PTPN13: variants seen among roughly 807,000 people sequenced by gnomAD.
PTPN13 encodes the protein protein tyrosine phosphatase non-receptor type 13, also known as tyrosine-protein phosphatase non-receptor type 13.
Under a neutral mutation model 284.0 loss-of-function variants are expected in PTPN13, and 191 were observed. The observed-to-expected ratio is 0.67, with a 90% CI of 0.60 to 0.76. PTPN13 has a LOEUF of 0.76. Among genes scored for constraint, PTPN13 ranks in the 30% least tolerant of loss-of-function variants. PTPN13 has a pLI of 0.00. For synonymous variants in PTPN13, 986 were observed against 1,022.3 expected (o/e 0.96, Z 0.68); for missense variants, 2,797 against 2,939.9 (o/e 0.95, Z 1.12).
intron 2 of PTPN13, among the ~76,000 whole-genome samples, chr4:86,657,524 G>A (rs757410130): frequency 4.6e-5 from 7 of 152,198 alleles, no homozygotes; most frequent in Non-Finnish European, 1.0e-4. Flanking sequence ...GCCTGGAGTT[G>A]AGGGAGAGGT....
In PTPN13 at chr4:86,758,930, C is replaced by CT. The variant is rs762687140; in HGVS notation, c.3422-11dup. ...TTTGTTGTTGAAAATACTGGATTGT[C>CT]TATTTGTACAGGAGACCGTTTGATA... On this transcript the variant is annotated splice_polypyrimidine_tract_variant and intron_variant, in intron 22 of 47. Coordinates refer to ENST00000411767, the MANE Select transcript of PTPN13 (RefSeq NM_080683.3). 1 of 1,609,204 alleles carries CT rather than the reference C, an allele frequency of 6.2e-7. No individual in the cohort carries two copies. The highest frequency in any genetic ancestry group is 1.3e-5 in the African/African-American group (1 of 74,772).
At chr4:86,630,527 C>G (rs1241589798) in intron 1 of PTPN13, among the ~76,000 whole-genome samples, 1 of 152,158 alleles carries the variant, frequency 6.6e-6, no homozygotes, top group Non-Finnish European at 1.5e-5. Context: ...GGCTGTGTCT[C>G]AAACTTTTCT....
At chr4:86,641,238 A>G (rs1723744522) in intron 2 of PTPN13, among the ~76,000 whole-genome samples, 2 of 152,174 alleles carry the variant, frequency 1.3e-5, no homozygotes, top group Non-Finnish European at 2.9e-5. Context: ...CCTTATGCAT[A>G]ACACTGGGAG....
intron 3 of PTPN13, among the ~76,000 whole-genome samples, chr4:86,685,592 A>G (rs138177975): frequency 1.4e-4 from 21 of 152,326 alleles, no homozygotes; most frequent in African/African-American, 2.6e-4. Flanking sequence ...AGCCTGGGCA[A>G]CAGAGAGAGA....
intron 9 of PTPN13, among the ~76,000 whole-genome samples, chr4:86,721,176 G>T (rs997742333): frequency 2.0e-5 from 3 of 151,692 alleles, no homozygotes; most frequent in African/African-American, 7.3e-5. Context: ...CTACCTTTTA[G>T]TAGCTCTGCT....
At chr4:86,717,189 A>ATTTTT in intron 9 of PTPN13, 72 bp downstream of exon 9, 81 of 739,650 alleles carry the variant, frequency 1.1e-4, no homozygotes, top group Non-Finnish European at 1.3e-4. Flanking sequence ...ATTAAATGGA[A>ATTTTT]TTTTTTTTTT....
At chr4:86,760,547 C>T (rs555786193) in intron 23 of PTPN13, among the ~76,000 whole-genome samples, 49 of 152,248 alleles carry the variant, frequency 3.2e-4, no homozygotes, top group African/African-American at 1.1e-3. Flanking sequence ...AAACTCTGCC[C>T]TAATGGAAGT....
At chr4:86,693,385 G>A (rs529391569) in intron 5 of PTPN13, among the ~76,000 whole-genome samples, 1 of 152,210 alleles carries the variant, frequency 6.6e-6, no homozygotes, top group African/African-American at 2.4e-5. Context: ...TTAATTTTCT[G>A]AAATGAATTG....
chr4:86,682,194 G>C (rs916596760), intron 3 of PTPN13, among the ~76,000 whole-genome samples: 2 of 152,094 alleles, frequency 1.3e-5, no homozygotes, highest in Non-Finnish European at 2.9e-5. Context: ...ATGTCATCTA[G>C]AATCAGCTCT....
intron 9 of PTPN13, among the ~76,000 whole-genome samples, chr4:86,718,578 G>A (rs1733283596): frequency 6.6e-6 from 1 of 151,988 alleles, no homozygotes; most frequent in South Asian, 2.1e-4. Context: ...AGCCTCCCGA[G>A]TAGCTGGGAT....
At chr4:86,768,222 G>A (rs1739557558) in intron 28 of PTPN13, among the ~76,000 whole-genome samples, 3 of 152,140 alleles carry the variant, frequency 2.0e-5, no homozygotes, top group African/African-American at 7.2e-5. Flanking sequence ...GCTTTAAATT[G>A]TTGTAAAATT....
intron 3 of PTPN13, among the ~76,000 whole-genome samples, chr4:86,680,347 CTCTA>C (rs56694637): frequency 0.34 from 48,345 of 142,380 alleles, 8,152 homozygotes; most frequent in South Asian, 0.41. Flanking sequence ...TTCTATCTAT[CTCTA>C]TCTATCTATC....
At chr4:86,711,641 G>C (rs1171428990) in intron 7 of PTPN13, among the ~76,000 whole-genome samples, 1 of 152,056 alleles carries the variant, frequency 6.6e-6, no homozygotes, top group East Asian at 1.9e-4. Context: ...GTAAAATAAG[G>C]AATAATTATG....
intron 15 of PTPN13, among the ~76,000 whole-genome samples, chr4:86,737,823 G>A (rs952840973): frequency 1.3e-5 from 2 of 151,996 alleles, no homozygotes; most frequent in African/African-American, 4.8e-5. Flanking sequence ...TCTGCCTCCC[G>A]GGTTCAAACA....
At chr4:86,693,818 C>T (rs1356741604) in intron 6 of PTPN13, 144 bp downstream of exon 6, 3 of 486,994 alleles carry the variant, frequency 6.2e-6, no homozygotes, top group East Asian at 3.0e-5. Flanking sequence ...AGGGAATGGG[C>T]AGGAACACTA....
intron 2 of PTPN13, among the ~76,000 whole-genome samples, chr4:86,645,186 T>C (rs989664215): frequency 6.6e-6 from 1 of 151,954 alleles, no homozygotes; most frequent in Admixed American, 6.6e-5. Context: ...TTAGGCCCCG[T>C]CTCCAAAAAC....
At chr4:86,707,805 T>C (rs1731937262) in intron 7 of PTPN13, among the ~76,000 whole-genome samples, 2 of 152,126 alleles carry the variant, frequency 1.3e-5, no homozygotes, top group Non-Finnish European at 2.9e-5. Flanking sequence ...TCCACAAAAG[T>C]AAATGAGAAT....
intron 1 of PTPN13, among the ~76,000 whole-genome samples, chr4:86,624,880 G>A (rs1197910875): frequency 2.6e-5 from 4 of 152,160 alleles, no homozygotes; most frequent in African/African-American, 4.8e-5. Flanking sequence ...ACATTATTGT[G>A]TATGGGACCT....
rs767644354 is a variant in PTPN13 at position 86,763,057 on chromosome 4, C to T, written c.3884C>T (p.Thr1295Ile). 1.7e-5 allele frequency: 27 copies of T among 1,613,756 alleles called. No homozygotes were observed. The South Asian group carries it at 2.9e-4, about 17-fold the overall frequency. Residue 1295 changes from threonine to isoleucine, a missense_variant, in exon 24 of 48, where the codon ACT becomes ATT. Thr to Ile is a moderately conservative substitution (Grantham distance 89, BLOSUM62 -1). Transcript: ENST00000411767. ...SVISKATEKE[T>I]FTDSNQSKTK... ...ATATCCAAAGCCACCGAGAAAGAGA[C>T]TTTCACTGATAGTAACCAAAGCAAA...
Sources: gnomAD v4.1 joint callset for allele counts (sites outside exome capture counted in the v4.1 genomes callset) on GRCh38, gnomAD v4.1.1 for gene constraint, MANE v1.5 for transcripts, NCBI Gene and HGNC (gene_info 2026-07-23, HGNC 2026-07-21) for gene names.